THSD7A: variants seen among roughly 807,000 people sequenced by gnomAD.
THSD7A encodes the protein thrombospondin type 1 domain containing 7A.
THSD7A carries 96 observed loss-of-function variants against 231.3 expected under a neutral mutation model. The ratio of observed to expected loss-of-function variants is 0.41; its 90% CI spans 0.35 to 0.49. THSD7A has a LOEUF of 0.49. Ranked by LOEUF, THSD7A falls within the 20% of genes least tolerant of loss-of-function variation. The pLI, the probability that THSD7A is intolerant of heterozygous loss-of-function variation, is 0.05. For missense variants in THSD7A, 2,290 were observed against 2,070.2 expected (o/e 1.11, Z -2.06); for synonymous variants, 940 against 743.3 (o/e 1.26, Z -4.30).
At chr7:11,478,695 G>C (rs1162420058) in intron 7 of THSD7A, among the ~76,000 whole-genome samples, 1 of 152,138 alleles carries the variant, frequency 6.6e-6, no homozygotes, top group African/African-American at 2.4e-5. Context: ...ATTCATTTAA[G>C]AGGAACAAAA....
intron 4 of THSD7A, among the ~76,000 whole-genome samples, chr7:11,577,134 G>T (rs918782935): frequency 6.6e-6 from 1 of 152,086 alleles, no homozygotes; most frequent in African/African-American, 2.4e-5. Context: ...TTACCCCCTT[G>T]TTATAGATTT....
At chr7:11,791,468 T>A (rs1417631981) in intron 1 of THSD7A, among the ~76,000 whole-genome samples, 3 of 152,024 alleles carry the variant, frequency 2.0e-5, no homozygotes, top group Admixed American at 6.6e-5. Context: ...TTGTTGAGGG[T>A]TGAAGGAAAG....
intron 13 of THSD7A, among the ~76,000 whole-genome samples, chr7:11,434,570 G>A (rs1784573728): frequency 6.6e-6 from 1 of 151,990 alleles, no homozygotes; most frequent in Non-Finnish European, 1.5e-5. Flanking sequence ...AGAAAATACT[G>A]GTTGCTTCTG....
chr7:11,448,211 CTA>C (rs398111050), intron 11 of THSD7A, among the ~76,000 whole-genome samples: 4 of 151,942 alleles, frequency 2.6e-5, no homozygotes, highest in Non-Finnish European at 4.4e-5. Flanking sequence ...ATTATTTCGC[CTA>C]TGATATTGTT....
chr7:11,548,172 G>C (rs1233655773), intron 4 of THSD7A, among the ~76,000 whole-genome samples: 2 of 152,056 alleles, frequency 1.3e-5, no homozygotes, highest in Non-Finnish European at 2.9e-5. Context: ...AATGACAAAG[G>C]TGACATAACC....
chr7:11,518,334 G>C (rs1237715798), intron 6 of THSD7A, among the ~76,000 whole-genome samples: 1 of 152,110 alleles, frequency 6.6e-6, no homozygotes, highest in Non-Finnish European at 1.5e-5. Context: ...AAGCGTGAGA[G>C]ACTGTGGAGA....
chr7:11,803,250 A>G (rs1266055705), intron 1 of THSD7A, among the ~76,000 whole-genome samples: 1 of 152,122 alleles, frequency 6.6e-6, no homozygotes, highest in Non-Finnish European at 1.5e-5. Context: ...AATTGTCTCT[A>G]TATTTTACAT....
intron 13 of THSD7A, among the ~76,000 whole-genome samples, chr7:11,430,626 A>T (rs1784451507): frequency 3.3e-5 from 5 of 151,000 alleles, no homozygotes. Context: ...CCACCATGCC[A>T]GGCGAATTTT....
rs192158543 is a variant in THSD7A, at chr7:11,786,553, A to C, written c.190+45204T>G. 1.3e-4 allele frequency among the ~76,000 whole-genome samples: 19 copies of C among 151,108 alleles called. No individual in the cohort carries two copies. The East Asian group carries it at 3.7e-3, about 29-fold the overall frequency. ...AGAGACTTTGATATACAGAAAAGAT[A>C]TTAGAAAAAGCACTTGAGACTTTGA... On this transcript the variant is annotated intron_variant, in intron 1 of 27. Transcript: ENST00000423059.
Position 11,376,656 on chromosome 7 carries a change from A to T in THSD7A, c.4803T>A (p.Asp1601Glu). 6.4e-7 allele frequency: 1 copy of T among 1,569,352 alleles called. No homozygotes were observed. Among genetic ancestry groups the T allele is most frequent in the Non-Finnish European group, 8.7e-7 (1 of 1,155,800 alleles). Residue 1601 changes from aspartate to glutamate, a missense_variant and splice_region_variant, in exon 27 of 28, where the codon GAT becomes GAA. Physicochemically the swap from Asp to Glu is conservative, Grantham distance 45. Coordinates refer to ENST00000423059, the MANE Select transcript of THSD7A (RefSeq NM_015204.3). Reference protein sequence around the residue: ...RTWFLQPFGPDGRLKTWVYGV... With the variant: ...RTWFLQPFGPEGRLKTWVYGV... ...CGTAAACCCAGGTCTTTAGTCTCCCATCTAAGAAGAATGGATATTAGTTAT... is the reference window on the plus strand; with the variant it reads ...CGTAAACCCAGGTCTTTAGTCTCCCTTCTAAGAAGAATGGATATTAGTTAT...
chr7:11,824,756 T>C (rs564219387), intron 1 of THSD7A, among the ~76,000 whole-genome samples: 2 of 152,268 alleles, frequency 1.3e-5, no homozygotes, highest in South Asian at 4.1e-4. Context: ...GTTTTTAAAA[T>C]GTATTTAAAT....
chr7:11,698,532 C>T (rs1780472098), intron 1 of THSD7A, among the ~76,000 whole-genome samples: 1 of 151,312 alleles, frequency 6.6e-6, no homozygotes, highest in African/African-American at 2.4e-5. Flanking sequence ...GGCAACTTCC[C>T]CAACTGGGCC....
intron 10 of THSD7A, 104 bp downstream of exon 10, chr7:11,461,907 C>A: frequency 1.4e-6 from 2 of 1,401,144 alleles, no homozygotes; most frequent in Non-Finnish European, 1.9e-6. Context: ...TCCATTGAGC[C>A]TGTGGAAGGA....
intron 6 of THSD7A, among the ~76,000 whole-genome samples, chr7:11,488,080 C>T (rs929724601): frequency 6.6e-6 from 1 of 152,080 alleles, no homozygotes; most frequent in Non-Finnish European, 1.5e-5. Context: ...CAGAGAGGGA[C>T]CAGACACAGA....
At chr7:11,569,808 T>C (rs1188734093) in intron 4 of THSD7A, among the ~76,000 whole-genome samples, 2 of 152,218 alleles carry the variant, frequency 1.3e-5, no homozygotes. Flanking sequence ...ATAAATAATA[T>C]TTGGTACATG....
chr7:11,380,533 T>G lies in THSD7A; in HGVS notation c.4508-821A>C, dbSNP rs546457811. On this transcript the variant is annotated intron_variant, in intron 24 of 27. Transcript: ENST00000423059. ...CTATTGCTAATTGTCTGTGTTTCTC[T>G]CAATATTATAATCACAAAATACTCA... Among the ~76,000 whole-genome samples, 4 of 152,306 alleles carry G rather than the reference T, an allele frequency of 2.6e-5. No homozygotes were observed. In the East Asian group the frequency reaches 7.7e-4, roughly 29 times the overall value.
chr7:11,721,750 A>G (rs1355234286), intron 1 of THSD7A, among the ~76,000 whole-genome samples: 2 of 151,886 alleles, frequency 1.3e-5, no homozygotes, highest in Admixed American at 1.3e-4. Context: ...TCAAAACTGG[A>G]AAACTGATTT....
intron 6 of THSD7A, among the ~76,000 whole-genome samples, chr7:11,491,190 C>T (rs1304587137): frequency 1.3e-5 from 2 of 152,014 alleles, no homozygotes; most frequent in African/African-American, 4.8e-5. Flanking sequence ...TGTTAAAGTG[C>T]TAAGGTTGCG....
At chr7:11,559,379 A>G (rs1479915016) in intron 4 of THSD7A, among the ~76,000 whole-genome samples, 1 of 152,164 alleles carries the variant, frequency 6.6e-6, no homozygotes, top group Non-Finnish European at 1.5e-5. Flanking sequence ...AAGACCTAAA[A>G]TAGAAGACTA....
Sources: allele counts gnomAD v4.1 joint callset (sites outside exome capture counted in the v4.1 genomes callset), GRCh38; gene constraint gnomAD v4.1.1; transcripts MANE v1.5; gene names NCBI Gene and HGNC (gene_info 2026-07-23, HGNC 2026-07-21).